Variants in KIFAP3 observed in about 807,000 individuals in gnomAD.
The protein encoded by KIFAP3 is kinesin associated protein 3.
KIFAP3 carries 68 observed loss-of-function variants against 106.5 expected under a neutral mutation model. The ratio of observed to expected loss-of-function variants is 0.64; its 90% CI spans 0.53 to 0.78. The LOEUF (loss-of-function observed/expected upper bound fraction) is 0.78, where lower values mean the gene tolerates loss of function less well. KIFAP3 is among the 30% of genes least tolerant of loss of function. The probability of loss-of-function intolerance (pLI) is 0.00; values close to 1 mark genes in which losing one functional copy is unlikely to be tolerated. For synonymous variants in KIFAP3, 320 were observed against 311.5 expected, an observed-to-expected ratio of 1.03 and a Z score of -0.29; for missense variants, 780 against 941.8, an observed-to-expected ratio of 0.83 and a Z score of 2.25.
At chr1:170,059,216 C>T (rs1264579220) in intron 1 of KIFAP3, among the ~76,000 whole-genome samples, 1 of 151,790 alleles carries the variant, frequency 6.6e-6, no homozygotes, top group Non-Finnish European at 1.5e-5. Flanking sequence ...TCAATGAACC[C>T]AGGAGATGGT....
At chr1:169,953,545 C>T (rs571805984) in intron 19 of KIFAP3, among the ~76,000 whole-genome samples, 221 of 152,128 alleles carry the variant, frequency 1.5e-3, no homozygotes, top group Middle Eastern at 6.8e-3. Context: ...AGACGAGTCT[C>T]GCTCTGTCAC....
chr1:170,077,196 G>T (rs1160679726), upstream of KIFAP3, among the ~76,000 whole-genome samples: 1 of 152,204 alleles, frequency 6.6e-6, no homozygotes, highest in South Asian at 2.1e-4. Flanking sequence ...TCAGCACTCT[G>T]TAACACCAAT....
intron 19 of KIFAP3, among the ~76,000 whole-genome samples, chr1:169,952,665 T>C (rs1364708863): frequency 1.3e-5 from 2 of 152,068 alleles, no homozygotes; most frequent in Non-Finnish European, 2.9e-5. Context: ...GAGTTCAAAT[T>C]GTTGCTCCAT....
At chr1:170,036,211 T>C (rs1169651824) in intron 5 of KIFAP3, among the ~76,000 whole-genome samples, 3 of 152,054 alleles carry the variant, frequency 2.0e-5, no homozygotes, top group Non-Finnish European at 4.4e-5. Context: ...TCAAATCAGG[T>C]TGGTACATGG....
At chr1:169,970,661 T>C (rs1233865503) in intron 17 of KIFAP3, among the ~76,000 whole-genome samples, 1 of 152,036 alleles carries the variant, frequency 6.6e-6, no homozygotes, top group Non-Finnish European at 1.5e-5. Context: ...GAAATCATTA[T>C]CTAGAGGTAA....
intron 1 of KIFAP3, among the ~76,000 whole-genome samples, chr1:170,064,279 T>C (rs914701720): frequency 2.6e-5 from 4 of 152,222 alleles, no homozygotes; most frequent in Non-Finnish European, 5.9e-5. Flanking sequence ...TGGTGAAATG[T>C]TGAGGTGGTT....
intron 10 of KIFAP3, among the ~76,000 whole-genome samples, chr1:169,999,993 T>C (rs143691403): frequency 1.3e-5 from 2 of 152,294 alleles, no homozygotes; most frequent in African/African-American, 4.8e-5. Context: ...ATCGATTTTC[T>C]GCCAATTAAA....
intron 2 of KIFAP3, among the ~76,000 whole-genome samples, chr1:170,049,947 C>T (rs536464468): frequency 2.0e-5 from 3 of 152,178 alleles, no homozygotes; most frequent in African/African-American, 7.2e-5. Flanking sequence ...TCCAAATGAT[C>T]GCAAGTCCTC....
At position 170,039,255 on chromosome 1, in the gene KIFAP3, G is replaced by A; in HGVS notation, c.353C>T (p.Pro118Leu). 1.9e-6 allele frequency: 3 copies of A among 1,600,990 alleles called. No individual in the cohort carries two copies. Among genetic ancestry groups the A allele is most frequent in the East Asian group, 4.5e-5 (2 of 44,716 alleles). ...TACCTCCATTCCTTCAAAAGGAGGT[G>A]GATCTTTAGGCTTGCTTGATTTTTC... The part of the protein sequence containing the change: ...KKEKSSKPKD[P>L]PPFEGMEIDE... The change falls in exon 4 of 20, where the codon CCA becomes CTA. Residue 118 changes from proline to leucine, a missense_variant. Coordinates refer to ENST00000361580, the MANE Select transcript of KIFAP3 (RefSeq NM_014970.4).
chr1:170,060,898 C>A (rs1317050221), intron 1 of KIFAP3, among the ~76,000 whole-genome samples: 3 of 152,140 alleles, frequency 2.0e-5, no homozygotes, highest in African/African-American at 7.2e-5. Context: ...CTGACAAAAA[C>A]AAGCAATGGG....
intron 11 of KIFAP3, among the ~76,000 whole-genome samples, chr1:169,990,480 TAC>T (rs1558224828): frequency 6.6e-6 from 1 of 152,134 alleles, no homozygotes; most frequent in African/African-American, 2.4e-5. Flanking sequence ...GTGAAGTTTT[TAC>T]ACAGAGTATG....
At chr1:170,004,860 A>T (rs1489633241) in intron 10 of KIFAP3, among the ~76,000 whole-genome samples, 1 of 151,404 alleles carries the variant, frequency 6.6e-6, no homozygotes, top group Non-Finnish European at 1.5e-5. Flanking sequence ...GACAAATGGG[A>T]TCTAATTAAA....
In KIFAP3 at chr1:170,046,820, C is replaced by A; in HGVS notation, c.211G>T (p.Ala71Ser). The A allele has an allele frequency of 1.2e-6, 2 of 1,609,926 alleles. No homozygotes were observed. The highest frequency in any genetic ancestry group is 1.7e-6 in the Non-Finnish European group (2 of 1,177,782). ...TTACATTCTTCAACCACCTTCCTTG[C>A]CAGGGAAGTTATATCTGTGTTGGCA... Reference protein sequence around the residue: ...LNANTDITSLARKVVEECKLI... With the variant: ...LNANTDITSLSRKVVEECKLI... The change falls in exon 3 of 20, where the codon GCA becomes TCA. Residue 71 changes from alanine to serine, a missense_variant. Physicochemically the swap from Ala to Ser is moderately conservative, Grantham distance 99. Around this residue, in one of 3 missense-constraint regions of KIFAP3, gnomAD observed 588 missense variants for 678.9 expected, o/e 0.87. Transcript: ENST00000361580.
At chr1:170,027,647 T>G (rs147093874) in intron 8 of KIFAP3, among the ~76,000 whole-genome samples, 43 of 152,050 alleles carry the variant, frequency 2.8e-4, no homozygotes, top group African/African-American at 9.9e-4. Context: ...TATCCAAAAT[T>G]AAACAGACAG....
intron 1 of KIFAP3, among the ~76,000 whole-genome samples, chr1:170,065,613 CAAAAAAAA>C (rs71125225): frequency 9.2e-4 from 46 of 49,880 alleles, no homozygotes; most frequent in Non-Finnish European, 1.6e-3. Context: ...GACTCCACCT[CAAAAAAAA>C]AAAAAAAAAA....
intron 19 of KIFAP3, among the ~76,000 whole-genome samples, chr1:169,951,635 G>A (rs1190058415): frequency 1.3e-5 from 2 of 151,786 alleles, no homozygotes; most frequent in South Asian, 2.1e-4. Flanking sequence ...AGTTTATAAA[G>A]TAATCATTTT....
chr1:170,055,271 C>T, intron 2 of KIFAP3, 34 bp downstream of exon 2: 1 of 1,571,494 alleles, frequency 6.4e-7, no homozygotes, highest in South Asian at 1.2e-5. Context: ...ATAATGTTCA[C>T]TACTTTCAAA....
chr1:169,956,993 A>T (rs918034206), intron 18 of KIFAP3, among the ~76,000 whole-genome samples: 1 of 152,218 alleles, frequency 6.6e-6, no homozygotes, highest in African/African-American at 2.4e-5. Context: ...CAGCTCTGAC[A>T]TATGAGTAAT....
At chr1:170,028,511 T>C (rs11811966) in intron 8 of KIFAP3, among the ~76,000 whole-genome samples, 7 of 152,144 alleles carry the variant, frequency 4.6e-5, no homozygotes, top group Admixed American at 2.6e-4. Context: ...CTAATTTTTG[T>C]TTTTTGGTGG....
Sources: allele counts gnomAD v4.1 joint callset (sites outside exome capture counted in the v4.1 genomes callset), GRCh38; gene constraint gnomAD v4.1.1; regional missense constraint gnomAD v4.1.1; transcripts MANE v1.5; gene names NCBI Gene and HGNC (gene_info 2026-07-23, HGNC 2026-07-21).